The following LARP4B variants were observed in gnomAD, a reference collection of about 807,000 sequenced individuals.
LARP4B encodes the protein La ribonucleoprotein 4B.
LARP4B carries 12 observed loss-of-function variants against 89.8 expected under a neutral mutation model. The observed-to-expected ratio is 0.13, with a 90% CI of 0.09 to 0.22. LARP4B has a LOEUF of 0.22. Among genes scored for constraint, LARP4B ranks in the 10% least tolerant of loss-of-function variants. The pLI is 1.00. For missense variants in LARP4B, 757 were observed against 947.7 expected (o/e 0.80, Z 2.64); for synonymous variants, 367 against 363.3 (o/e 1.01, Z -0.12).
intron 3 of LARP4B, among the ~76,000 whole-genome samples, chr10:867,194 C>T (rs1358961291): frequency 6.6e-6 from 1 of 152,074 alleles, no homozygotes; most frequent in Non-Finnish European, 1.5e-5. Flanking sequence ...AGAGATGTCA[C>T]CAGGAATGAA....
At chr10:960,996 A>G in the LARP4B span, among the ~76,000 whole-genome samples, 1 of 152,188 alleles carries the variant, frequency 6.6e-6, no homozygotes, top group South Asian at 2.1e-4. Flanking sequence ...AGAGGAGCAC[A>G]GCAGGAGCGG....
intron 1 of LARP4B, among the ~76,000 whole-genome samples, chr10:919,944 T>C (rs1836934051): frequency 1.3e-5 from 2 of 152,198 alleles, no homozygotes; most frequent in South Asian, 4.1e-4. Flanking sequence ...CACCTCCCTA[T>C]TTGGATTAAG....
chr10:848,423 T>C (rs1833882526), intron 5 of LARP4B, among the ~76,000 whole-genome samples: 1 of 152,042 alleles, frequency 6.6e-6, no homozygotes, highest in Non-Finnish European at 1.5e-5. Flanking sequence ...CAGGAAGATA[T>C]GACCCATGAC....
the LARP4B span, among the ~76,000 whole-genome samples, chr10:975,494 CA>C: frequency 3.3e-5 from 5 of 152,196 alleles, no homozygotes; most frequent in South Asian, 1.0e-3. Context: ...TTTTCATATA[CA>C]AAATGTTAGG....
chr10:929,866 T>A (rs995601364), intron 1 of LARP4B, among the ~76,000 whole-genome samples: 2 of 152,130 alleles, frequency 1.3e-5, no homozygotes, highest in Admixed American at 6.5e-5. Flanking sequence ...GTACACAAAT[T>A]AAATTTATGA....
intron 14 of LARP4B, chr10:818,608 T>C (rs1300158883): frequency 6.6e-5 from 10 of 152,258 alleles, no homozygotes; most frequent in Non-Finnish European, 1.3e-4. Flanking sequence ...ATACCTTTTA[T>C]TGGAAAATGA....
chr10:900,420 CTTT>C (rs529963345), intron 1 of LARP4B, among the ~76,000 whole-genome samples: 11 of 45,222 alleles, frequency 2.4e-4, no homozygotes, highest in African/African-American at 9.5e-4. Context: ...AGAAGGATGT[CTTT>C]TTTTTTTTTT....
At position 870,065 on chromosome 10, in the gene LARP4B, G is replaced by A. The variant is rs535717933; in HGVS notation, c.142-5795C>T. 1.1e-5 allele frequency: 11 copies of A among 985,086 alleles called. No individual in the cohort carries two copies. The South Asian group carries it at 2.4e-4, about 21-fold the overall frequency. The allele number at this position is 985,086 out of a possible 1,614,324, so 61.0% of individuals were successfully genotyped here. A position where few individuals can be genotyped will look rare whatever the true frequency, so the allele number is the denominator to read the frequency against. The stretch of plus-strand genomic sequence containing the variant: ...CCAAACAACACCGTCCTCTGACACC[G>A]GTAGCTGAGGAGTGTTTTCTGAAAA... On this transcript the variant is annotated intron_variant, in intron 3 of 17. Transcript: ENST00000316157.
At chr10:876,616 C>G (rs1835462730) in intron 3 of LARP4B, among the ~76,000 whole-genome samples, 1 of 152,164 alleles carries the variant, frequency 6.6e-6, no homozygotes, top group South Asian at 2.1e-4. Flanking sequence ...CTCAGTCCAC[C>G]CAGCAGCTGT....
At chr10:885,798 G>A (rs1007482442) in intron 1 of LARP4B, 38 bp from the exon 2 acceptor site, 5 of 1,014,108 alleles carry the variant, frequency 4.9e-6, no homozygotes, top group Non-Finnish European at 7.7e-6. Context: ...GTCATTTGAA[G>A]GGCACAGTAT....
chr10:905,586 A>G (rs1836466646), intron 1 of LARP4B, among the ~76,000 whole-genome samples: 1 of 152,118 alleles, frequency 6.6e-6, no homozygotes. Flanking sequence ...GTTTTTTTCC[A>G]TTATGTTCAA....
At chr10:830,815 G>A in intron 9 of LARP4B, 52 bp downstream of exon 9, 2 of 816,490 alleles carry the variant, frequency 2.4e-6, no homozygotes, top group South Asian at 1.5e-5. Context: ...TGCACTAATA[G>A]TAAAAACTGG....
Position 836,526 on chromosome 10 carries a change from C to T in LARP4B, c.647-20G>A. Reference sequence around the variant, plus strand: ...GTAAAGCTACAAAGAGAAGAAAAATCAATGGTGAAACAAAAATATTAAAAT... The same window carrying T: ...GTAAAGCTACAAAGAGAAGAAAAATTAATGGTGAAACAAAAATATTAAAAT... On this transcript the variant is annotated intron_variant, in intron 7 of 17. Transcript: ENST00000316157. The T allele has an allele frequency of 2.0e-6, 3 of 1,475,052 alleles. No homozygotes were observed. The highest frequency in any genetic ancestry group is 2.3e-5 in the South Asian group (2 of 86,992). The allele number at this position is 1,475,052 out of a possible 1,614,324, so 91.4% of individuals were successfully genotyped here.
chr10:966,791 A>T, the LARP4B span, among the ~76,000 whole-genome samples: 4 of 151,650 alleles, frequency 2.6e-5, no homozygotes, highest in Non-Finnish European at 5.9e-5. Context: ...AGAGAGAGGT[A>T]GGTTTCTCCT....
intron 1 of LARP4B, among the ~76,000 whole-genome samples, chr10:895,651 C>A (rs1222435950): frequency 6.1e-5 from 8 of 131,862 alleles, no homozygotes; most frequent in Admixed American, 8.5e-5. Context: ...CCAGCCTGGG[C>A]AACAGAGCAA....
the LARP4B span, among the ~76,000 whole-genome samples, chr10:938,181 G>C: frequency 6.6e-6 from 1 of 151,696 alleles, no homozygotes; most frequent in Non-Finnish European, 1.5e-5. Flanking sequence ...ACTACGGCCA[G>C]TTTGGGATTT....
the LARP4B span, among the ~76,000 whole-genome samples, chr10:973,206 GC>G: frequency 6.6e-6 from 1 of 152,148 alleles, no homozygotes; most frequent in African/African-American, 2.4e-5. Context: ...GGAGAGTGCA[GC>G]AGGGACAACT....
At chr10:938,414 CTAATTTTTGTTG>C in the LARP4B span, among the ~76,000 whole-genome samples, 2 of 151,944 alleles carry the variant, frequency 1.3e-5, no homozygotes, top group African/African-American at 4.8e-5. Context: ...CCACGCCCGG[CTAATTTTTGTTG>C]TATTTTTTAG....
intron 13 of LARP4B, among the ~76,000 whole-genome samples, chr10:821,348 G>A (rs776663757): frequency 6.6e-6 from 1 of 152,042 alleles, no homozygotes; most frequent in East Asian, 1.9e-4. Flanking sequence ...CCCTTCCCAC[G>A]AAAACCACAC....
Sources: allele counts gnomAD v4.1 joint callset (sites outside exome capture counted in the v4.1 genomes callset), GRCh38; gene constraint gnomAD v4.1.1; transcripts MANE v1.5; gene names NCBI Gene and HGNC (gene_info 2026-07-23, HGNC 2026-07-21).